Variants in CYP7B1 observed in about 807,000 individuals in gnomAD.
CYP7B1 encodes the protein cytochrome P450 family 7 subfamily B member 1, also known as cytochrome P450 7B1.
In CYP7B1, 29 loss-of-function variants were observed where a neutral mutation model predicts 42.7. The observed-to-expected ratio is 0.68, with a 90% CI of 0.51 to 0.93. The LOEUF is 0.93. CYP7B1 is among the 40% of genes least tolerant of loss of function. The pLI is 0.00. For missense variants in CYP7B1, 655 were observed against 600.5 expected (o/e 1.09, Z -0.95); for synonymous variants, 235 against 218.2 (o/e 1.08, Z -0.68).
At chr8:64,667,408 C>T (rs1044055142) in intron 1 of CYP7B1, among the ~76,000 whole-genome samples, 1 of 152,112 alleles carries the variant, frequency 6.6e-6, no homozygotes, top group African/African-American at 2.4e-5. Context: ...GAGATTAATT[C>T]TTTCCTATTC....
At chr8:64,691,489 G>A (rs112553359) in intron 1 of CYP7B1, among the ~76,000 whole-genome samples, 2 of 145,212 alleles carry the variant, frequency 1.4e-5, no homozygotes, top group Admixed American at 6.7e-5. Context: ...AACTGGGGGG[G>A]GGGGGTGGTG....
At chr8:64,784,355 A>C (rs1353238484) in intron 1 of CYP7B1, among the ~76,000 whole-genome samples, 1 of 152,168 alleles carries the variant, frequency 6.6e-6, no homozygotes, top group Non-Finnish European at 1.5e-5. Flanking sequence ...ACTATATTCC[A>C]CCATGATAGC....
At chr8:64,680,231 C>T (rs1319271377) in intron 1 of CYP7B1, among the ~76,000 whole-genome samples, 5 of 151,668 alleles carry the variant, frequency 3.3e-5, no homozygotes, top group Non-Finnish European at 5.9e-5. Flanking sequence ...TTCATCGCAC[C>T]TTCATTTTTC....
In CYP7B1 at chr8:64,595,801, G is replaced by A. The variant is rs550755017; in HGVS notation, c.*841C>T. Among the ~76,000 whole-genome samples, 21 of 152,162 alleles carry A rather than the reference G, an allele frequency of 1.4e-4. No homozygotes were observed. The highest frequency in any genetic ancestry group is 2.4e-4 in the Non-Finnish European group (16 of 68,006). On this transcript the variant is annotated 3_prime_UTR_variant, in exon 6 of 6. Coordinates refer to ENST00000310193, the MANE Select transcript of CYP7B1 (RefSeq NM_004820.5). Reference sequence around the variant, plus strand: ...ATATATATGAAAGCATTTAGGAAAGGGTTAATTGCAATATTTGCATAACCT... The same window carrying A: ...ATATATATGAAAGCATTTAGGAAAGAGTTAATTGCAATATTTGCATAACCT...
At chr8:64,663,065 C>T (rs1009111571) in intron 1 of CYP7B1, among the ~76,000 whole-genome samples, 2 of 152,210 alleles carry the variant, frequency 1.3e-5, no homozygotes, top group Non-Finnish European at 2.9e-5. Flanking sequence ...GTTTACTTAG[C>T]AAGCTTCTAC....
chr8:64,767,617 C>A (rs967258547), intron 1 of CYP7B1, among the ~76,000 whole-genome samples: 1 of 152,142 alleles, frequency 6.6e-6, no homozygotes, highest in Non-Finnish European at 1.5e-5. Flanking sequence ...TTGATAGCAC[C>A]CATCAGATGG....
intron 1 of CYP7B1, among the ~76,000 whole-genome samples, chr8:64,679,820 T>C (rs1200154379): frequency 6.6e-6 from 1 of 152,214 alleles, no homozygotes; most frequent in African/African-American, 2.4e-5. Context: ...TCATAACAAT[T>C]AATGCAATAA....
At chr8:64,597,078 A>G in intron 5 of CYP7B1, 149 bp from the exon 6 acceptor site, 1 of 629,058 alleles carries the variant, frequency 1.6e-6, no homozygotes, top group East Asian at 2.9e-5. Flanking sequence ...CAAATTAAGC[A>G]TGAACTTTCA....
rs2129629665 is a variant in CYP7B1, at chr8:64,593,589, G to C, written c.*3053C>G. 6.6e-6 allele frequency among the ~76,000 whole-genome samples: 1 copy of C among 152,214 alleles called. No homozygotes were observed. Among genetic ancestry groups the C allele is most frequent in the South Asian group, 2.1e-4 (1 of 4,826 alleles). On this transcript the variant is annotated 3_prime_UTR_variant, in exon 6 of 6. Coordinates refer to ENST00000310193, the MANE Select transcript of CYP7B1 (RefSeq NM_004820.5). ...TGATCTGAGTTTGGTAGTAGTATCA[G>C]CAGTCTGAAAAATGCAAATACAAAT...
intron 1 of CYP7B1, among the ~76,000 whole-genome samples, chr8:64,719,160 A>G (rs1807201169): frequency 6.6e-6 from 1 of 152,234 alleles, no homozygotes; most frequent in Non-Finnish European, 1.5e-5. Context: ...TTCAATGACC[A>G]ACCTACATTT....
Position 64,638,091 on chromosome 8 carries a change from T to C in CYP7B1, c.123-13552A>G, listed in dbSNP as rs373920709. 2.6e-5 allele frequency among the ~76,000 whole-genome samples: 4 copies of C among 152,194 alleles called. No individual in the cohort carries two copies. The East Asian group carries it at 5.8e-4, about 22-fold the overall frequency. On this transcript the variant is annotated intron_variant, in intron 1 of 5. Transcript: ENST00000310193. ...CTTGATTCATAAATGCAATTTCTAC[T>C]CTTATTTTTCTAAGACTATTAAACA...
intron 1 of CYP7B1, among the ~76,000 whole-genome samples, chr8:64,667,635 G>C (rs986577072): frequency 6.6e-6 from 1 of 152,086 alleles, no homozygotes; most frequent in Non-Finnish European, 1.5e-5. Flanking sequence ...CAAAAGATGA[G>C]ACTCACCTCT....
chr8:64,693,988 G>C (rs1806787315), intron 1 of CYP7B1, among the ~76,000 whole-genome samples: 1 of 152,148 alleles, frequency 6.6e-6, no homozygotes, highest in Non-Finnish European at 1.5e-5. Flanking sequence ...AGTGTGTTTA[G>C]CTAATCTGTC....
intron 1 of CYP7B1, among the ~76,000 whole-genome samples, chr8:64,675,381 A>C (rs1015461004): frequency 2.0e-5 from 3 of 151,524 alleles, no homozygotes; most frequent in African/African-American, 7.2e-5. Context: ...TAAATAATAA[A>C]ACAATGAAAA....
At chr8:64,696,605 G>T (rs896336328) in intron 1 of CYP7B1, among the ~76,000 whole-genome samples, 1 of 152,130 alleles carries the variant, frequency 6.6e-6, no homozygotes, top group African/African-American at 2.4e-5. Context: ...TTTGGAATAT[G>T]TATGGCTAAG....
At chr8:64,721,439 G>T (rs915143949) in intron 1 of CYP7B1, among the ~76,000 whole-genome samples, 2 of 151,640 alleles carry the variant, frequency 1.3e-5, no homozygotes, top group Admixed American at 1.3e-4. Flanking sequence ...ATCATTTAGG[G>T]GTCTAAATAT....
intron 1 of CYP7B1, among the ~76,000 whole-genome samples, chr8:64,715,334 T>A (rs887220136): frequency 1.3e-5 from 2 of 152,008 alleles, no homozygotes; most frequent in African/African-American, 4.8e-5. Context: ...TGAACAGGGG[T>A]CTAAAGTATG....
chr8:64,667,946 G>T (rs1806306856), intron 1 of CYP7B1, among the ~76,000 whole-genome samples: 1 of 152,160 alleles, frequency 6.6e-6, no homozygotes, highest in Non-Finnish European at 1.5e-5. Flanking sequence ...ATCCTCTGTT[G>T]AAATAGTCCT....
intron 1 of CYP7B1, among the ~76,000 whole-genome samples, chr8:64,741,431 T>G (rs1488929192): frequency 3.3e-5 from 5 of 152,156 alleles, no homozygotes; most frequent in Admixed American, 2.6e-4. Context: ...GTGATTCTCC[T>G]GCCTCAGCCT....
Sources: allele counts gnomAD v4.1 joint callset (sites outside exome capture counted in the v4.1 genomes callset), GRCh38; gene constraint gnomAD v4.1.1; transcripts MANE v1.5; gene names NCBI Gene and HGNC (gene_info 2026-07-23, HGNC 2026-07-21).